TBC1D5: variants seen among roughly 807,000 people sequenced by gnomAD.
TBC1D5 encodes the protein TBC1 domain family member 5.
Under a neutral mutation model 100.3 loss-of-function variants are expected in TBC1D5, and 75 were observed. The observed-to-expected ratio is 0.75, with a 90% CI of 0.62 to 0.91. The LOEUF (loss-of-function observed/expected upper bound fraction) is 0.91. Ranked by LOEUF, TBC1D5 falls within the 40% of genes least tolerant of loss-of-function variation. TBC1D5 has a pLI of 0.00. For synonymous variants in TBC1D5, 323 were observed against 325.6 expected (o/e 0.99, Z 0.09); for missense variants, 910 against 942.4 (o/e 0.97, Z 0.45).
At chr3:17,612,167 G>T (rs549273417) in intron 2 of TBC1D5, among the ~76,000 whole-genome samples, 1 of 151,856 alleles carries the variant, frequency 6.6e-6, no homozygotes, top group African/African-American at 2.4e-5. Flanking sequence ...GGGTGTGGTG[G>T]TGTGTACCTG....
chr3:17,598,681 T>G (rs966379828), intron 2 of TBC1D5, among the ~76,000 whole-genome samples: 1 of 152,232 alleles, frequency 6.6e-6, no homozygotes, highest in Non-Finnish European at 1.5e-5. Flanking sequence ...TCCCAAATCA[T>G]TCTGGAATTC....
chr3:17,339,824 C>T (rs758646816), intron 13 of TBC1D5, among the ~76,000 whole-genome samples: 1 of 152,084 alleles, frequency 6.6e-6, no homozygotes, highest in Non-Finnish European at 1.5e-5. Context: ...GAAGTAAAGA[C>T]ATTGGTCAGT....
intron 15 of TBC1D5, among the ~76,000 whole-genome samples, chr3:17,284,733 T>C (rs2080991952): frequency 6.6e-6 from 1 of 152,234 alleles, no homozygotes; most frequent in Non-Finnish European, 1.5e-5. Flanking sequence ...ATAAAGATTT[T>C]CATATTATTC....
intron 16 of TBC1D5, among the ~76,000 whole-genome samples, chr3:17,242,101 TG>T (rs1474786512): frequency 6.6e-6 from 1 of 152,226 alleles, no homozygotes; most frequent in African/African-American, 2.4e-5. Flanking sequence ...GCCCACTTGA[TG>T]TCTTGCAGCC....
intron 1 of TBC1D5, among the ~76,000 whole-genome samples, chr3:17,737,517 G>T (rs922520503): frequency 4.6e-5 from 7 of 152,084 alleles, no homozygotes; most frequent in African/African-American, 1.7e-4. Context: ...TCAACAATAG[G>T]CATTACTTTC....
intron 9 of TBC1D5, 114 bp downstream of exon 9, chr3:17,383,799 A>G: frequency 1.4e-6 from 1 of 734,730 alleles, no homozygotes; most frequent in South Asian, 2.7e-5. Context: ...TGATTGCTTT[A>G]GCATTATGAT....
chr3:17,610,204 A>G (rs530837180), intron 2 of TBC1D5, among the ~76,000 whole-genome samples: 3 of 152,026 alleles, frequency 2.0e-5, no homozygotes, highest in Non-Finnish European at 4.4e-5. Flanking sequence ...TTTCTTTTTG[A>G]GGTAGAGTCT....
At chr3:17,632,454 T>C (rs2063579744) in intron 1 of TBC1D5, among the ~76,000 whole-genome samples, 1 of 152,202 alleles carries the variant, frequency 6.6e-6, no homozygotes, top group African/African-American at 2.4e-5. Context: ...GATAAAGCAG[T>C]AGCAGAGTTT....
intron 4 of TBC1D5, among the ~76,000 whole-genome samples, chr3:17,415,322 G>A (rs370923760): frequency 1.6e-3 from 241 of 151,658 alleles, no homozygotes; most frequent in Non-Finnish European, 2.9e-3. Context: ...CACGCCCGGC[G>A]AAATTTTTTG....
chr3:17,431,792 C>T (rs998660325), intron 3 of TBC1D5, among the ~76,000 whole-genome samples: 3 of 152,096 alleles, frequency 2.0e-5, no homozygotes, highest in African/African-American at 7.2e-5. Flanking sequence ...GAAAGGATAA[C>T]TGTGACTTAA....
chr3:17,193,854 A>T (rs951912943), intron 18 of TBC1D5, among the ~76,000 whole-genome samples: 2 of 152,230 alleles, frequency 1.3e-5, no homozygotes, highest in Non-Finnish European at 2.9e-5. Context: ...ACACTTACAG[A>T]AGGTGTTCTA....
At chr3:17,305,172 T>G (rs2083278245) in intron 14 of TBC1D5, among the ~76,000 whole-genome samples, 1 of 152,150 alleles carries the variant, frequency 6.6e-6, no homozygotes, top group Non-Finnish European at 1.5e-5. Flanking sequence ...TCGCCTTGTG[T>G]TACTATTCCT....
intron 1 of TBC1D5, among the ~76,000 whole-genome samples, chr3:17,634,979 C>T: frequency 6.8e-6 from 1 of 147,830 alleles, no homozygotes; most frequent in East Asian, 2.1e-4. Context: ...AGATTATATG[C>T]TTTTTATATG....
intron 3 of TBC1D5, among the ~76,000 whole-genome samples, chr3:17,429,253 T>G (rs750886068): frequency 4.6e-5 from 7 of 151,878 alleles, no homozygotes; most frequent in Non-Finnish European, 1.0e-4. Flanking sequence ...TAAAAGTAAA[T>G]GTACTAAAGT....
intron 18 of TBC1D5, among the ~76,000 whole-genome samples, chr3:17,203,153 T>C (rs1045073194): frequency 3.9e-5 from 6 of 152,172 alleles, no homozygotes; most frequent in Non-Finnish European, 8.8e-5. Flanking sequence ...AGCCCACCCC[T>C]TGCATGAGTG....
intron 17 of TBC1D5, among the ~76,000 whole-genome samples, chr3:17,230,430 C>T (rs1195720193): frequency 6.6e-6 from 1 of 151,882 alleles, no homozygotes; most frequent in Non-Finnish European, 1.5e-5. Context: ...CAATGGTTAC[C>T]CTTGGGGAAA....
intron 1 of TBC1D5, among the ~76,000 whole-genome samples, chr3:17,736,650 AG>A (rs778130996): frequency 1.3e-5 from 2 of 152,200 alleles, no homozygotes; most frequent in Non-Finnish European, 2.9e-5. Context: ...ATGTAACGTT[AG>A]GAACTCCTCT....
chr3:17,353,611 C>A (rs1444269953), intron 13 of TBC1D5, among the ~76,000 whole-genome samples: 2 of 151,978 alleles, frequency 1.3e-5, no homozygotes, highest in African/African-American at 4.8e-5. Flanking sequence ...ATTATCTTTT[C>A]CTTCTTTACT....
Position 17,170,103 on chromosome 3 carries a change from A to G in TBC1D5, c.1853-2275T>C, listed in dbSNP as rs9985227. Among the ~76,000 whole-genome samples, 1,304 of 152,346 alleles carry G rather than the reference A, an allele frequency of 8.6e-3. 20 individuals carry two copies. The highest frequency in any genetic ancestry group is 0.028 in the African/African-American group (1,178 of 41,572). On this transcript the variant is annotated intron_variant, in intron 19 of 21. Coordinates refer to ENST00000253692, the Ensembl canonical transcript of TBC1D5. Reference sequence around the variant, plus strand: ...ACGGGCCAGTACTGGTGCATGACCCAGGAGTGGGAACCCCTGTTTTAGAGG... The same window carrying G: ...ACGGGCCAGTACTGGTGCATGACCCGGGAGTGGGAACCCCTGTTTTAGAGG...
Sources: gnomAD v4.1 joint callset for allele counts (sites outside exome capture counted in the v4.1 genomes callset) on GRCh38, gnomAD v4.1.1 for gene constraint, MANE v1.5 for transcripts, NCBI Gene and HGNC (gene_info 2026-07-23, HGNC 2026-07-21) for gene names.